Variants in QDPR observed in about 807,000 individuals in gnomAD.
QDPR encodes dihydropteridine reductase.
QDPR carries 23 observed loss-of-function variants against 31.7 expected under a neutral mutation model. The observed-to-expected ratio is 0.73, with a 90% CI of 0.52 to 1.03. QDPR has a LOEUF of 1.03. QDPR is among the 50% of genes least tolerant of loss of function. The pLI, the probability that QDPR is intolerant of heterozygous loss-of-function variation, is 0.00. For synonymous variants in QDPR, 124 were observed against 124.7 expected, an observed-to-expected ratio of 0.99 and a Z score of 0.03; for missense variants, 324 against 323.8, an observed-to-expected ratio of 1.00 and a Z score of 0.00.
intron 1 of QDPR, among the ~76,000 whole-genome samples, chr4:17,511,668 C>A (rs1375067911): frequency 6.6e-6 from 1 of 152,204 alleles, no homozygotes; most frequent in Non-Finnish European, 1.5e-5. Flanking sequence ...TCCCGTTCCT[C>A]CCCTTTGGAA....
intron 2 of QDPR, among the ~76,000 whole-genome samples, chr4:17,506,125 T>A (rs1203781702): frequency 1.3e-5 from 2 of 152,166 alleles, no homozygotes; most frequent in African/African-American, 4.8e-5. Flanking sequence ...TGGCTTTTAT[T>A]ACTTTATTTT....
At chr4:17,505,304 T>C (rs1304251953) in intron 2 of QDPR, among the ~76,000 whole-genome samples, 1 of 148,498 alleles carries the variant, frequency 6.7e-6, no homozygotes, top group Admixed American at 6.9e-5. Flanking sequence ...TGGAGTGCGA[T>C]GGCGCCATCT....
chr4:17,497,418 C>T (rs1028915049), intron 4 of QDPR, among the ~76,000 whole-genome samples: 2 of 151,972 alleles, frequency 1.3e-5, no homozygotes, highest in Non-Finnish European at 2.9e-5. Flanking sequence ...GACTCACCCC[C>T]ACCAAGAGCA....
chr4:17,487,248 A>T lies in QDPR; in HGVS notation c.630-12T>A. The T allele has an allele frequency of 1.2e-6, 2 of 1,610,936 alleles. No homozygotes were observed. The highest frequency in any genetic ancestry group is 1.7e-6 in the Non-Finnish European group (2 of 1,177,134). The stretch of plus-strand genomic sequence containing the variant: ...AGTCATGGAAAGTTCTGGAACAGAA[A>T]ATAAAAGTTTTTTTTATATTCTCAA... On this transcript the variant is annotated splice_polypyrimidine_tract_variant and intron_variant, in intron 6 of 6. Transcript: ENST00000281243.
At position 17,504,410 on chromosome 4, in the gene QDPR, T is replaced by G. The variant is rs932872839; in HGVS notation, c.264A>C (p.Gly88=). The G allele has an allele frequency of 2.5e-6, 4 of 1,614,062 alleles. No individual in the cohort carries two copies. The Admixed American group carries it at 5.0e-5, about 20-fold the overall frequency. ...ATTTGGCATTGCCCCCGGCCCATCC[T>G]CCAGCAACGCAAAGAATTGCATCCA... ...EKVDAILCVA[G]GWAGGNAKSK... Residue 88 remains glycine (G), a synonymous_variant, in exon 3 of 7, where the codon GGA becomes GGC. Coordinates refer to ENST00000281243, the MANE Select transcript of QDPR (RefSeq NM_000320.3).
rs699459 is a variant in QDPR at position 17,486,449 on chromosome 4, T to C, written c.*682A>G. The C allele has an allele frequency of 0.65, 98,823 of 151,892 alleles. 32,510 individuals are homozygous for C. Among genetic ancestry groups the C allele is most frequent in the East Asian group, 0.76 (3,909 of 5,114 alleles). 9.4% of individuals were successfully genotyped at this position (151,892 alleles called of 1,614,324 possible). ...TTAAATCCACCCCCTTCTGAGAACATCAGATTAAAAGACCTCCAGCAATCC... is the reference window on the plus strand; with the variant it reads ...TTAAATCCACCCCCTTCTGAGAACACCAGATTAAAAGACCTCCAGCAATCC... On this transcript the variant is annotated 3_prime_UTR_variant, in exon 7 of 7. Transcript: ENST00000281243.
At chr4:17,506,839 G>A (rs1275434392) in intron 2 of QDPR, among the ~76,000 whole-genome samples, 1 of 152,142 alleles carries the variant, frequency 6.6e-6, no homozygotes, top group African/African-American at 2.4e-5. Context: ...AAGTCATCTG[G>A]CTTTTACATT....
chr4:17,493,484 TC>T lies in QDPR; in HGVS notation c.437-1145del, dbSNP rs565146623. Among the ~76,000 whole-genome samples the T allele has an allele frequency of 7.7e-3, 1,166 of 152,274 alleles. 9 individuals carry two copies. Among genetic ancestry groups the T allele is most frequent in the African/African-American group, 0.026 (1,090 of 41,554 alleles). ...TCACAAGTCCTGGGCCACTTAGACT[TC>T]TGACCAACAAGCTTAATCAGGGGTT... is the stretch of plus-strand genomic sequence containing the variant. On this transcript the variant is annotated intron_variant, in intron 4 of 6. Transcript: ENST00000281243.
chr4:17,512,007 G>T lies in QDPR; in HGVS notation c.48C>A (p.Tyr16Ter). The T allele has an allele frequency of 1.9e-6, 3 of 1,609,444 alleles. No homozygotes were observed. The highest frequency in any genetic ancestry group is 2.5e-6 in the Non-Finnish European group (3 of 1,178,638). ...AAGEARRVLV[Y>*]GGRGALGSRC... ...GAGAACCCAGAGCGCCCCTGCCGCC[G>T]TACACCAGCACCCGGCGCGCCTCGC... is the stretch of plus-strand genomic sequence containing the variant. The change falls in exon 1 of 7, where the codon TAC becomes TAA. Residue 16 changes from tyrosine (Y) to a stop codon, truncating the protein, a stop_gained. Coordinates refer to ENST00000281243, the MANE Select transcript of QDPR (RefSeq NM_000320.3). LOFTEE classifies it high-confidence loss of function.
chr4:17,492,388 GACA>G, intron 4 of QDPR, 48 bp from the exon 5 acceptor site: 1 of 1,388,598 alleles, frequency 7.2e-7, no homozygotes, highest in Middle Eastern at 1.8e-4. Flanking sequence ...CGGCCAGGGG[GACA>G]GCAAGGACAT....
Position 17,490,638 on chromosome 4 carries a change from C to A in QDPR, c.629+24G>T. The A allele has an allele frequency of 3.8e-6, 6 of 1,584,338 alleles. No homozygotes were observed. In the South Asian group the frequency reaches 6.6e-5, roughly 18 times the overall value. Reference sequence around the variant, plus strand: ...GAATAGGGGCTGGAAGCTGCTCAGTCATGGACATGTCTGTAATACTCACTC... The same window carrying A: ...GAATAGGGGCTGGAAGCTGCTCAGTAATGGACATGTCTGTAATACTCACTC... On this transcript the variant is annotated intron_variant, in intron 6 of 6. Transcript: ENST00000281243.
intron 1 of QDPR, among the ~76,000 whole-genome samples, chr4:17,510,897 T>C (rs1431606518): frequency 6.6e-6 from 1 of 151,608 alleles, no homozygotes; most frequent in Non-Finnish European, 1.5e-5. Context: ...AGGAAGGGAG[T>C]GGTGTGACTG....
Position 17,512,080 on chromosome 4 carries a change from C to T in QDPR, c.-26G>A. 1 of 1,550,650 alleles carries T rather than the reference C, an allele frequency of 6.4e-7. No homozygotes were observed. Among genetic ancestry groups the T allele is most frequent in the Non-Finnish European group, 8.7e-7 (1 of 1,151,226 alleles). ...CCTGCTCCTGCCAGCCCGGCTCCCG[C>T]AGCTCCGAATGCCTCGAGCCGGAGC... On this transcript the variant is annotated 5_prime_UTR_variant, in exon 1 of 7. Transcript: ENST00000281243.
At position 17,504,391 on chromosome 4, in the gene QDPR, C is replaced by T. The variant is rs865953344; in HGVS notation, c.283G>A (p.Ala95Thr). ...GGAAAGGACTCACACTTGGATTTGG[C>T]ATTGCCCCCGGCCCATCCTCCAGCA... The part of the protein sequence containing the change: ...CVAGGWAGGN[A>T]KSKSLFKNCD... Residue 95 changes from alanine to threonine, a missense_variant, in exon 3 of 7, where the codon GCC becomes ACC. By Grantham distance (58) the Ala-to-Thr change is moderately conservative. Transcript: ENST00000281243. The T allele has an allele frequency of 6.2e-7, 1 of 1,613,904 alleles. No homozygotes were observed.
intron 3 of QDPR, among the ~76,000 whole-genome samples, chr4:17,504,171 C>T (rs1429542759): frequency 6.6e-6 from 1 of 152,050 alleles, no homozygotes; most frequent in Non-Finnish European, 1.5e-5. Context: ...AAACTCAATG[C>T]CCCCCGTCCC....
chr4:17,496,022 A>AAAAG (rs1560310090), intron 4 of QDPR, among the ~76,000 whole-genome samples: 1 of 151,264 alleles, frequency 6.6e-6, no homozygotes, highest in Admixed American at 6.6e-5. Context: ...AAAAAAAAGG[A>AAAAG]AAATAAATAA....
At chr4:17,503,699 C>G (rs1346253660) in intron 3 of QDPR, among the ~76,000 whole-genome samples, 1 of 152,228 alleles carries the variant, frequency 6.6e-6, no homozygotes, top group Non-Finnish European at 1.5e-5. Context: ...CCCGTAACCC[C>G]AGCACTTTGG....
At chr4:17,490,296 C>G (rs749854800) in intron 6 of QDPR, 1 of 329,780 alleles carries the variant, frequency 3.0e-6, no homozygotes, top group Non-Finnish European at 6.0e-6. Flanking sequence ...CTTGTTATGG[C>G]CAGACACTGT....
At position 17,501,807 on chromosome 4, in the gene QDPR, G is replaced by A. The variant is rs1560313050; in HGVS notation, c.348C>T (p.Thr116=). The A allele has an allele frequency of 6.2e-7, 1 of 1,614,182 alleles. No homozygotes were observed. The highest frequency in any genetic ancestry group is 1.3e-5 in the African/African-American group (1 of 75,060). The change falls in exon 4 of 7, where the codon ACC becomes ACT. Residue 116 remains threonine, a synonymous_variant. Transcript: ENST00000281243. The part of the protein sequence containing the change: ...LMWKQSIWTS[T]ISSHLATKHL... ...GCTTGGTAGCCAGATGGCTGGAGAT[G>A]GTCGATGTCCATATGCTCTGCTTCC...
Sources: allele counts gnomAD v4.1 joint callset (sites outside exome capture counted in the v4.1 genomes callset), GRCh38; gene constraint gnomAD v4.1.1; transcripts MANE v1.5; gene names NCBI Gene and HGNC (gene_info 2026-07-23, HGNC 2026-07-21).